Variants in CNOT4 observed in about 807,000 individuals in gnomAD.
The protein encoded by CNOT4 is CCR4-NOT transcription complex subunit 4.
CNOT4 carries 8 observed loss-of-function variants against 73.8 expected under a neutral mutation model. That is an observed-to-expected ratio of 0.11 (90% CI 0.06 to 0.20). The LOEUF is 0.20. CNOT4 is among the 10% of genes least tolerant of loss of function. The probability of loss-of-function intolerance (pLI) is 1.00; values close to 1 mark genes in which losing one functional copy is unlikely to be tolerated. For synonymous variants in CNOT4, 293 were observed against 321.1 expected (o/e 0.91, Z 0.94); for missense variants, 564 against 883.4 (o/e 0.64, Z 4.58).
intron 1 of CNOT4, among the ~76,000 whole-genome samples, chr7:135,478,029 C>G (rs2129487089): frequency 6.6e-6 from 1 of 152,114 alleles, no homozygotes; most frequent in South Asian, 2.1e-4. Context: ...GTGGTGTTAT[C>G]TGTTTATAAA....
At chr7:135,479,756 G>T (rs1454993741) in intron 1 of CNOT4, among the ~76,000 whole-genome samples, 1 of 151,894 alleles carries the variant, frequency 6.6e-6, no homozygotes, top group Non-Finnish European at 1.5e-5. Flanking sequence ...AATTAGTCGG[G>T]CGTGGTACCT....
At chr7:135,395,952 T>G (rs1053872459) in intron 8 of CNOT4, 69 bp from the exon 9 acceptor site, 1 of 1,101,022 alleles carries the variant, frequency 9.1e-7, no homozygotes, top group Non-Finnish European at 1.3e-6. Context: ...ATTAAAAAGT[T>G]TGCAACTAAA....
At chr7:135,489,073 T>C (rs1563079658) in intron 1 of CNOT4, among the ~76,000 whole-genome samples, 1 of 152,024 alleles carries the variant, frequency 6.6e-6, no homozygotes, top group South Asian at 2.1e-4. Context: ...ATATAACAGA[T>C]CATTAACAGA....
intron 1 of CNOT4, among the ~76,000 whole-genome samples, chr7:135,469,264 G>A (rs557679882): frequency 6.6e-6 from 1 of 152,210 alleles, no homozygotes. Context: ...CTAGAGTTCA[G>A]AAGAGAGGTA....
In CNOT4 at chr7:135,363,146, T is replaced by A. The variant is rs753423491; in HGVS notation, c.1881A>T (p.Gln627His). ...ASSGNSLDSL[Q>H]DDNPPHWLKS... ...TTAGCCAGTGTGGAGGATTGTCATCTTGAAGAGAGTCTAAACTGTTTCCTG... is the reference window on the plus strand; with the variant it reads ...TTAGCCAGTGTGGAGGATTGTCATCATGAAGAGAGTCTAAACTGTTTCCTG... The change falls in exon 12 of 12, where the codon CAA becomes CAT. Residue 627 changes from glutamine (Q) to histidine (H), a missense_variant. This residue lies in a region of CNOT4 where 3 missense variants were observed against 16.8 expected (regional missense o/e 0.18). Transcript: ENST00000541284. The surrounding 1 kb of genome is among the most constrained non-coding windows in gnomAD (Gnocchi z 4.3). 1.2e-6 allele frequency: 2 copies of A among 1,613,674 alleles called. No individual in the cohort carries two copies. Among genetic ancestry groups the A allele is most frequent in the Non-Finnish European group, 1.7e-6 (2 of 1,180,022 alleles).
intron 2 of CNOT4, among the ~76,000 whole-genome samples, chr7:135,435,295 T>G (rs780737418): frequency 2.0e-5 from 3 of 152,208 alleles, no homozygotes; most frequent in Non-Finnish European, 4.4e-5. Context: ...CTATTCATTT[T>G]TAGTTCACTC....
At chr7:135,451,132 A>G (rs889154564) in intron 1 of CNOT4, among the ~76,000 whole-genome samples, 11 of 152,260 alleles carry the variant, frequency 7.2e-5, no homozygotes, top group Non-Finnish European at 8.8e-5. Context: ...AATGTTTTGC[A>G]ATAGCAAAAA....
At chr7:135,410,005 CCTAAGATAA>C (rs1265207030) in intron 7 of CNOT4, among the ~76,000 whole-genome samples, 2 of 151,974 alleles carry the variant, frequency 1.3e-5, no homozygotes, top group Admixed American at 6.6e-5. Flanking sequence ...TGACTGGTCT[CCTAAGATAA>C]GTAAGATTCT....
intron 1 of CNOT4, among the ~76,000 whole-genome samples, chr7:135,507,157 C>G (rs972953934): frequency 6.6e-6 from 1 of 152,170 alleles, no homozygotes; most frequent in Non-Finnish European, 1.5e-5. Flanking sequence ...CATTTAGACT[C>G]AAGTTGAAGG....
At chr7:135,491,617 A>G (rs1803116202) in intron 1 of CNOT4, among the ~76,000 whole-genome samples, 1 of 152,256 alleles carries the variant, frequency 6.6e-6, no homozygotes, top group Non-Finnish European at 1.5e-5. Context: ...GAACAGGCTT[A>G]AGAGAGAACA....
At chr7:135,413,797 C>T (rs1797704619) in intron 5 of CNOT4, among the ~76,000 whole-genome samples, 184 bp from the exon 6 acceptor site, 2 of 152,146 alleles carry the variant, frequency 1.3e-5, no homozygotes, top group South Asian at 4.1e-4. Flanking sequence ...AGATGAGGCT[C>T]ATTTGGAAGA....
intron 7 of CNOT4, among the ~76,000 whole-genome samples, chr7:135,407,142 G>A (rs771989367): frequency 7.9e-5 from 12 of 152,040 alleles, no homozygotes; most frequent in East Asian, 1.9e-4. Context: ...TCTTGCTATC[G>A]CTGTATATGA....
intron 1 of CNOT4, among the ~76,000 whole-genome samples, chr7:135,478,664 C>T (rs1279641344): frequency 6.6e-6 from 1 of 152,170 alleles, no homozygotes. Flanking sequence ...GATCGCACCA[C>T]TGCACTTCAG....
intron 1 of CNOT4, among the ~76,000 whole-genome samples, chr7:135,493,831 T>C (rs1268871730): frequency 2.6e-5 from 4 of 152,222 alleles, no homozygotes; most frequent in Non-Finnish European, 5.9e-5. Flanking sequence ...TAAACCTTAA[T>C]AATGGCTTGC....
chr7:135,498,904 C>CA (rs988640717), intron 1 of CNOT4, among the ~76,000 whole-genome samples: 5 of 151,534 alleles, frequency 3.3e-5, no homozygotes, highest in Non-Finnish European at 5.9e-5. Context: ...TTAGGAGAAG[C>CA]AAAAAAAATC....
chr7:135,498,918 A>G (rs1284138131), intron 1 of CNOT4, among the ~76,000 whole-genome samples: 2 of 152,176 alleles, frequency 1.3e-5, no homozygotes, highest in Non-Finnish European at 2.9e-5. Context: ...AAAAATCCCC[A>G]AAGCATTTAA....
At chr7:135,401,118 A>T (rs1421129912) in intron 7 of CNOT4, among the ~76,000 whole-genome samples, 1 of 152,206 alleles carries the variant, frequency 6.6e-6, no homozygotes, top group Non-Finnish European at 1.5e-5. Context: ...TAATGGCTGG[A>T]GAGAAAAGAG....
At chr7:135,495,239 T>A (rs991653629) in intron 1 of CNOT4, among the ~76,000 whole-genome samples, 2 of 152,144 alleles carry the variant, frequency 1.3e-5, no homozygotes, top group Non-Finnish European at 2.9e-5. Flanking sequence ...AAAAGTTGGC[T>A]CACGCCTGTA....
At chr7:135,444,454 T>C (rs1799692044) in intron 1 of CNOT4, 3 of 775,204 alleles carry the variant, frequency 3.9e-6, no homozygotes, top group African/African-American at 1.7e-5. Context: ...AGGAACGAGA[T>C]GGCGGTTCTC....
Sources: gnomAD v4.1 joint callset for allele counts (sites outside exome capture counted in the v4.1 genomes callset) on GRCh38, gnomAD v4.1.1 for gene constraint, gnomAD v4.1.1 regional missense constraint, Gnocchi (gnomAD v3.1) non-coding constraint, MANE v1.5 for transcripts, NCBI Gene and HGNC (gene_info 2026-07-23, HGNC 2026-07-21) for gene names.